The following SHROOM3 variants were observed in gnomAD, a reference collection of about 807,000 sequenced individuals.
The protein encoded by SHROOM3 is protein Shroom3.
SHROOM3 carries 47 observed loss-of-function variants against 138.6 expected under a neutral mutation model. That is an observed-to-expected ratio of 0.34 (90% CI 0.27 to 0.43). The LOEUF (loss-of-function observed/expected upper bound fraction) is 0.43, where lower values mean the gene tolerates loss of function less well. SHROOM3 is among the 20% of genes least tolerant of loss of function. SHROOM3 has a pLI of 1.00. For synonymous variants in SHROOM3, 1,062 were observed against 1,063.3 expected (o/e 1.00, Z 0.02); for missense variants, 2,491 against 2,596.5 (o/e 0.96, Z 0.88).
At chr4:76,763,758 T>C (rs1242418573) in intron 9 of SHROOM3, among the ~76,000 whole-genome samples, 1 of 152,242 alleles carries the variant, frequency 6.6e-6, no homozygotes, top group African/African-American at 2.4e-5. Context: ...TGTAATGAAC[T>C]ACAAGTTTAT....
At chr4:76,742,084 A>C in intron 5 of SHROOM3, 158 bp downstream of exon 5, 35 of 953,258 alleles carry the variant, frequency 3.7e-5, no homozygotes, top group Non-Finnish European at 5.2e-5. Context: ...TGAGTTTCTC[A>C]AGTGTCCCTT....
At chr4:76,513,565 C>T (rs963469289) in intron 1 of SHROOM3, among the ~76,000 whole-genome samples, 2 of 152,168 alleles carry the variant, frequency 1.3e-5, no homozygotes, top group African/African-American at 2.4e-5. Flanking sequence ...CCACCCGTCT[C>T]GGCCTTCCAA....
In SHROOM3 at chr4:76,738,891, G is replaced by A. The variant is rs1477808720; in HGVS notation, c.718G>A (p.Ala240Thr). The A allele has an allele frequency of 6.2e-7, 1 of 1,614,184 alleles. No individual in the cohort carries two copies. Among genetic ancestry groups the A allele is most frequent in the African/African-American group, 1.3e-5 (1 of 75,048 alleles). ...GAYPPCHLSP[A>T]KSTGSIDQLS... ...ATACCCACCCTGTCATCTTTCCCCTGCCAAGTCCACCGGCAGCATTGACCA... is the reference window on the plus strand; with the variant it reads ...ATACCCACCCTGTCATCTTTCCCCTACCAAGTCCACCGGCAGCATTGACCA... Residue 240 changes from alanine to threonine, a missense_variant, in exon 5 of 11, where the codon GCC (alanine) becomes ACC (threonine). Ala to Thr is a moderately conservative substitution (Grantham distance 58). This residue lies in a region of SHROOM3 where 284 missense variants were observed against 322.8 expected (regional missense o/e 0.88). Coordinates refer to ENST00000296043, the MANE Select transcript of SHROOM3 (RefSeq NM_020859.4).
At chr4:76,671,286 T>C (rs2110098127) in intron 2 of SHROOM3, among the ~76,000 whole-genome samples, 1 of 152,348 alleles carries the variant, frequency 6.6e-6, no homozygotes, top group East Asian at 1.9e-4. Flanking sequence ...ACTCCATCAG[T>C]GTCCACTACA....
At chr4:76,491,844 G>C (rs7674982) in intron 1 of SHROOM3, among the ~76,000 whole-genome samples, 1 of 151,982 alleles carries the variant, frequency 6.6e-6, no homozygotes, top group South Asian at 2.1e-4. Flanking sequence ...ACCTTGATCT[G>C]AGCTTTGCTG....
In SHROOM3 at chr4:76,739,445, G is replaced by A; in HGVS notation, c.1272G>A (p.Lys424=). Residue 424 remains lysine (K), a synonymous_variant, in exon 5 of 11, where the codon AAG becomes AAA. Coordinates refer to ENST00000296043, the MANE Select transcript of SHROOM3 (RefSeq NM_020859.4). The part of the protein sequence containing the change: ...RPQANSLGSL[K]SPFIEEQLHT... ...AGGCAAACTCTTTAGGCTCCCTGAA[G>A]TCTCCATTCATAGAGGAGCAGCTGC... 1 of 1,614,202 alleles carries A rather than the reference G, an allele frequency of 6.2e-7. No individual in the cohort carries two copies. The highest frequency in any genetic ancestry group is 8.5e-7 in the Non-Finnish European group (1 of 1,180,044).
At chr4:76,688,793 C>T (rs1351997024) in intron 2 of SHROOM3, 1 of 985,086 alleles carries the variant, frequency 1.0e-6, no homozygotes, top group Non-Finnish European at 1.2e-6. Flanking sequence ...TCATGACGAC[C>T]GAAAGAATCA....
chr4:76,554,069 G>A lies in SHROOM3; in HGVS notation c.169-1540G>A, dbSNP rs185675118. The stretch of plus-strand genomic sequence containing the variant: ...GTGTCCACCACTACAATATCATATC[G>A]AATGGTTTCACTGCCCTAAAATATT... On this transcript the variant is annotated intron_variant, in intron 1 of 10. Coordinates refer to ENST00000296043, the MANE Select transcript of SHROOM3 (RefSeq NM_020859.4). Among the ~76,000 whole-genome samples the A allele has an allele frequency of 7.9e-3, 1,196 of 152,208 alleles. 7 individuals are homozygous for A. The highest frequency in any genetic ancestry group is 0.011 in the Non-Finnish European group (749 of 68,002).
At position 76,741,572 on chromosome 4, in the gene SHROOM3, C is replaced by T. The variant is rs1397254616; in HGVS notation, c.3399C>T (p.Leu1133=). Residue 1133 remains leucine (L), a synonymous_variant, in exon 5 of 11, where the codon CTC becomes CTT. Transcript: ENST00000296043. This position sits in a 1 kb window ranked among gnomAD's most constrained non-coding sequence, Gnocchi z 6.2. Reference sequence around the variant, plus strand: ...CCGCGGCGCTCGAAGGCTCCGGCCTCGCCTCGGCCTCCAGCTTGAGCTCAC... The same window carrying T: ...CCGCGGCGCTCGAAGGCTCCGGCCTTGCCTCGGCCTCCAGCTTGAGCTCAC... The part of the protein sequence containing the change: ...PGPAALEGSG[L]ASASSLSSLR... 5.2e-6 allele frequency: 8 copies of T among 1,543,350 alleles called. No homozygotes were observed. The highest frequency in any genetic ancestry group is 4.7e-5 in the South Asian group (4 of 84,392).
At chr4:76,617,240 G>T (rs1207657261) in intron 2 of SHROOM3, among the ~76,000 whole-genome samples, 1 of 152,198 alleles carries the variant, frequency 6.6e-6, no homozygotes, top group Non-Finnish European at 1.5e-5. Context: ...TGTGAGACAA[G>T]TAAGAGAATG....
chr4:76,700,933 A>C (rs1261592853), intron 2 of SHROOM3, among the ~76,000 whole-genome samples: 1 of 151,908 alleles, frequency 6.6e-6, no homozygotes, highest in Non-Finnish European at 1.5e-5. Flanking sequence ...TACAGGTGTG[A>C]GCCACCACAA....
chr4:76,475,176 G>A (rs565241337), intron 1 of SHROOM3, among the ~76,000 whole-genome samples: 1 of 152,216 alleles, frequency 6.6e-6, no homozygotes, highest in South Asian at 2.1e-4. Context: ...ATAATACAAT[G>A]TATATGAATA....
Position 76,754,626 on chromosome 4 carries a change from C to T in SHROOM3, c.4143C>T (p.Tyr1381=). Residue 1381 remains tyrosine, a synonymous_variant, in exon 7 of 11, where the codon TAC becomes TAT. Transcript: ENST00000296043. ...CAGGGCGACAGCCTCTCCCGCCCTA[C>T]ACCCCTGCCATGATGCACAGAAGCA... is the stretch of plus-strand genomic sequence containing the variant. ...GQTGRQPLPP[Y]TPAMMHRSNG... 6.2e-6 allele frequency: 10 copies of T among 1,614,186 alleles called. No homozygotes were observed. The highest frequency in any genetic ancestry group is 8.5e-6 in the Non-Finnish European group (10 of 1,180,024).
chr4:76,571,099 A>G (rs189105407), intron 2 of SHROOM3, among the ~76,000 whole-genome samples: 1 of 152,346 alleles, frequency 6.6e-6, no homozygotes, highest in African/African-American at 2.4e-5. Flanking sequence ...TCAAAATGTT[A>G]GCTTTGGGTG....
At chr4:76,620,254 TGGTCTTGGAGA>T (rs1734974548) in intron 2 of SHROOM3, among the ~76,000 whole-genome samples, 1 of 152,112 alleles carries the variant, frequency 6.6e-6, no homozygotes, top group Non-Finnish European at 1.5e-5. Flanking sequence ...GTGATGATTT[TGGTCTTGGAGA>T]GGTCTTGGGC....
chr4:76,565,781 T>G (rs1733708815), intron 2 of SHROOM3, among the ~76,000 whole-genome samples: 1 of 152,148 alleles, frequency 6.6e-6, no homozygotes, highest in Non-Finnish European at 1.5e-5. Flanking sequence ...GAGTCTAATT[T>G]AATAGATGTG....
At chr4:76,443,699 C>T (rs1730745104) in intron 1 of SHROOM3, among the ~76,000 whole-genome samples, 1 of 152,326 alleles carries the variant, frequency 6.6e-6, no homozygotes, top group African/African-American at 2.4e-5. Context: ...TAATGACTTT[C>T]TCCACAAAGG....
intron 2 of SHROOM3, among the ~76,000 whole-genome samples, chr4:76,680,643 T>A (rs192771199): frequency 6.6e-6 from 1 of 152,234 alleles, no homozygotes; most frequent in East Asian, 1.9e-4. Context: ...TAGCAGGGAC[T>A]ATCCTAAGTG....
intron 2 of SHROOM3, among the ~76,000 whole-genome samples, chr4:76,581,965 G>T (rs969055235): frequency 3.3e-5 from 5 of 152,202 alleles, no homozygotes; most frequent in Admixed American, 2.6e-4. Context: ...CCAAAAGTGA[G>T]ATGTACAGGA....
Sources: allele counts gnomAD v4.1 joint callset (sites outside exome capture counted in the v4.1 genomes callset), GRCh38; gene constraint gnomAD v4.1.1; regional missense constraint gnomAD v4.1.1; non-coding constraint Gnocchi (gnomAD v3.1); transcripts MANE v1.5; gene names NCBI Gene and HGNC (gene_info 2026-07-23, HGNC 2026-07-21).